Variants in GBE1 observed in about 807,000 individuals in gnomAD.
GBE1 encodes the protein 1,4-alpha-glucan-branching enzyme.
In GBE1, 70 loss-of-function variants were observed where a neutral mutation model predicts 88.8. The observed-to-expected ratio is 0.79, with a 90% CI of 0.65 to 0.96. GBE1 has a LOEUF of 0.96. GBE1 is among the 40% of genes least tolerant of loss of function. The pLI, the probability that GBE1 is intolerant of heterozygous loss-of-function variation, is 0.00. For missense variants in GBE1, 872 were observed against 871.0 expected (o/e 1.00, Z -0.01); for synonymous variants, 284 against 300.1 (o/e 0.95, Z 0.56).
At chr3:81,755,017 ACAAT>A (rs1706582597) in intron 1 of GBE1, among the ~76,000 whole-genome samples, 1 of 152,208 alleles carries the variant, frequency 6.6e-6, no homozygotes, top group Non-Finnish European at 1.5e-5. Flanking sequence ...AGCAAAGGAA[ACAAT>A]CAACAAAGTA....
chr3:81,623,832 T>C (rs1318068519), intron 7 of GBE1, among the ~76,000 whole-genome samples: 1 of 152,064 alleles, frequency 6.6e-6, no homozygotes. Context: ...GCCTGGCTAT[T>C]TTTATTTTCA....
intron 12 of GBE1, among the ~76,000 whole-genome samples, chr3:81,545,438 G>A (rs1359908528): frequency 6.6e-6 from 1 of 152,108 alleles, no homozygotes; most frequent in Non-Finnish European, 1.5e-5. Flanking sequence ...TGGAGGTACA[G>A]AAGCAAAATA....
chr3:81,760,264 G>A (rs1169403884), intron 1 of GBE1, among the ~76,000 whole-genome samples: 1 of 152,162 alleles, frequency 6.6e-6, no homozygotes, highest in Non-Finnish European at 1.5e-5. Context: ...CTAGAGCAGT[G>A]TTTTATTTAT....
chr3:81,523,860 T>C (rs946848702), intron 14 of GBE1, among the ~76,000 whole-genome samples: 1 of 151,794 alleles, frequency 6.6e-6, no homozygotes, highest in Admixed American at 6.6e-5. Context: ...TAGTATTCCG[T>C]TGTGTATATG....
intron 1 of GBE1, among the ~76,000 whole-genome samples, chr3:81,711,718 G>A (rs1705868933): frequency 6.6e-6 from 1 of 152,100 alleles, no homozygotes; most frequent in South Asian, 2.1e-4. Flanking sequence ...GAAAACCTAG[G>A]CAATACCATT....
At chr3:81,665,752 C>T (rs1224078158) in intron 3 of GBE1, among the ~76,000 whole-genome samples, 2 of 152,108 alleles carry the variant, frequency 1.3e-5, no homozygotes, top group Non-Finnish European at 2.9e-5. Flanking sequence ...GCAAAACACT[C>T]AACATTGTTG....
chr3:81,745,561 T>G (rs115259572), intron 1 of GBE1, among the ~76,000 whole-genome samples: 2,303 of 151,856 alleles, frequency 0.015, 73 homozygotes, highest in African/African-American at 0.053. Context: ...TGGTGATGAT[T>G]ATTATTATTA....
intron 14 of GBE1, among the ~76,000 whole-genome samples, chr3:81,527,528 A>AAAAC (rs1702958667): frequency 2.0e-5 from 3 of 151,600 alleles, no homozygotes; most frequent in Admixed American, 6.6e-5. Context: ...TTACAAGACA[A>AAAAC]AAACAACCCC....
chr3:81,583,371 C>G (rs1005649805), intron 10 of GBE1, among the ~76,000 whole-genome samples: 1 of 152,056 alleles, frequency 6.6e-6, no homozygotes, highest in African/African-American at 2.4e-5. Flanking sequence ...AGTGTTTGAG[C>G]ATTTATCTCA....
At position 81,750,567 on chromosome 3, in the gene GBE1, ATATATATACGTATATATATACG is replaced by A. The variant is rs1559708447; in HGVS notation, c.143+10786_143+10807del. Among the ~76,000 whole-genome samples the A allele has an allele frequency of 8.2e-4, 57 of 69,856 alleles. 6 individuals carry two copies. Among genetic ancestry groups the A allele is most frequent in the African/African-American group, 4.2e-3 (51 of 12,212 alleles). The allele number at this position is 69,856 out of a possible 152,430, so 45.8% of individuals were successfully genotyped here. A position where few individuals can be genotyped will look rare whatever the true frequency, so the allele number is the denominator to read the frequency against. ...TATATATATGTATATATATATGTAT[ATATATATACGTATATATATACG>A]TATATATATATGTGTATATATATAT... On this transcript the variant is annotated intron_variant, in intron 1 of 15. Transcript: ENST00000429644.
At chr3:81,498,907 A>G (rs576725193) in intron 15 of GBE1, among the ~76,000 whole-genome samples, 69 of 152,198 alleles carry the variant, frequency 4.5e-4, no homozygotes, top group Admixed American at 2.0e-3. Flanking sequence ...TTGTCCCCTA[A>G]ATATCCTTTA....
chr3:81,622,018 T>A (rs1704340191), intron 7 of GBE1, among the ~76,000 whole-genome samples: 1 of 152,202 alleles, frequency 6.6e-6, no homozygotes, highest in Non-Finnish European at 1.5e-5. Context: ...CTAAATCCCA[T>A]CAGCTGAACT....
chr3:81,525,918 C>A (rs1477941772), intron 14 of GBE1, among the ~76,000 whole-genome samples: 2 of 151,930 alleles, frequency 1.3e-5, no homozygotes, highest in East Asian at 3.9e-4. Context: ...TGATTCTTCT[C>A]TCTTTTCTTC....
At chr3:81,540,299 C>A (rs948533543) in intron 12 of GBE1, among the ~76,000 whole-genome samples, 2 of 151,980 alleles carry the variant, frequency 1.3e-5, no homozygotes, top group African/African-American at 4.8e-5. Context: ...GGATACATTA[C>A]TTCTGGAGTG....
At chr3:81,664,439 CA>C (rs5850531) in intron 3 of GBE1, among the ~76,000 whole-genome samples, 32,028 of 89,506 alleles carry the variant, frequency 0.36, 3,468 homozygotes, top group East Asian at 0.52. Flanking sequence ...TTGAATGTGT[CA>C]AAAAAAAAAA....
At chr3:81,631,571 C>T (rs887636269) in intron 7 of GBE1, among the ~76,000 whole-genome samples, 12 of 149,074 alleles carry the variant, frequency 8.0e-5, no homozygotes, top group Admixed American at 7.3e-4. Context: ...CCCGTCTCTA[C>T]TAAAATACAA....
At chr3:81,539,791 T>C (rs1334331310) in intron 12 of GBE1, among the ~76,000 whole-genome samples, 1 of 151,834 alleles carries the variant, frequency 6.6e-6, no homozygotes, top group Non-Finnish European at 1.5e-5. Flanking sequence ...GACAGAAAGT[T>C]TGGGGTAAGA....
At chr3:81,685,712 T>A (rs1390383683) in intron 2 of GBE1, among the ~76,000 whole-genome samples, 1 of 152,030 alleles carries the variant, frequency 6.6e-6, no homozygotes, top group African/African-American at 2.4e-5. Flanking sequence ...CTTTTGTACA[T>A]TTTTTTTCTA....
At chr3:81,574,668 A>G (rs540143952) in intron 12 of GBE1, among the ~76,000 whole-genome samples, 36 of 152,294 alleles carry the variant, frequency 2.4e-4, no homozygotes, top group Non-Finnish European at 5.0e-4. Flanking sequence ...AGCTGCCGAA[A>G]TTTTCTGGTT....
Sources: gnomAD v4.1 joint callset for allele counts (sites outside exome capture counted in the v4.1 genomes callset) on GRCh38, gnomAD v4.1.1 for gene constraint, MANE v1.5 for transcripts, NCBI Gene and HGNC (gene_info 2026-07-23, HGNC 2026-07-21) for gene names.